The following CDH5 variants were observed in gnomAD, a reference collection of about 807,000 sequenced individuals.
CDH5 encodes cadherin 5.
Under a neutral mutation model 62.0 loss-of-function variants are expected in CDH5, and 28 were observed. That is an observed-to-expected ratio of 0.45 (90% CI 0.33 to 0.62). The LOEUF (loss-of-function observed/expected upper bound fraction) is 0.62, where lower values mean the gene tolerates loss of function less well. CDH5 is among the 20% of genes least tolerant of loss of function. The pLI, the probability that CDH5 is intolerant of heterozygous loss-of-function variation, is 0.02. For missense variants in CDH5, 940 were observed against 1,065.1 expected (o/e 0.88, Z 1.63); for synonymous variants, 464 against 445.8 (o/e 1.04, Z -0.52).
intron 7 of CDH5, chr16:66,395,621 T>G (rs1309439935): frequency 6.5e-6 from 1 of 152,696 alleles, no homozygotes; most frequent in Non-Finnish European, 1.5e-5. Flanking sequence ...TTTCCATAGA[T>G]TTTTCCTGAT....
intron 7 of CDH5, chr16:66,392,703 C>A (rs902556613): frequency 3.2e-5 from 10 of 308,114 alleles, no homozygotes; most frequent in African/African-American, 1.9e-4. Context: ...AGCAACCAAT[C>A]AGACGACACA....
chr16:66,368,421 G>T (rs547129769), intron 1 of CDH5, among the ~76,000 whole-genome samples: 1 of 152,206 alleles, frequency 6.6e-6, no homozygotes, highest in Non-Finnish European at 1.5e-5. Flanking sequence ...TAAGCTGCCC[G>T]CCTGCAGCCT....
At chr16:66,400,160 C>G (rs991487508) in intron 10 of CDH5, among the ~76,000 whole-genome samples, 1 of 152,168 alleles carries the variant, frequency 6.6e-6, no homozygotes, top group Non-Finnish European at 1.5e-5. Context: ...TACAGGAAAC[C>G]ACTGATTGGA....
intron 4 of CDH5, among the ~76,000 whole-genome samples, chr16:66,389,149 G>T (rs912359629): frequency 1.3e-5 from 2 of 152,164 alleles, no homozygotes; most frequent in African/African-American, 4.8e-5. Context: ...CAGGTGGCGA[G>T]GACCAATACC....
chr16:66,385,051 G>A (rs1278478241), intron 2 of CDH5, among the ~76,000 whole-genome samples: 1 of 152,140 alleles, frequency 6.6e-6, no homozygotes, highest in African/African-American at 2.4e-5. Context: ...GAGCCACAAT[G>A]GGATCTGTAC....
At chr16:66,379,612 G>A (rs1960850520) in intron 2 of CDH5, 65 bp downstream of exon 2, 5 of 1,427,686 alleles carry the variant, frequency 3.5e-6, no homozygotes, top group South Asian at 1.2e-5. Context: ...AAGTGGTGGT[G>A]GTGATGGCGA....
At position 66,389,536 on chromosome 16, in the gene CDH5, C is replaced by G. The variant is rs780472148; in HGVS notation, c.781+14C>G. Reference sequence around the variant, plus strand: ...TCTTCACCCAGAGTGAGCCCCTCCTCTAGGGCCCTGGGAAGGGGGGCTGGG... The same window carrying G: ...TCTTCACCCAGAGTGAGCCCCTCCTGTAGGGCCCTGGGAAGGGGGGCTGGG... On this transcript the variant is annotated intron_variant, in intron 5 of 11. Coordinates refer to ENST00000341529, the MANE Select transcript of CDH5 (RefSeq NM_001795.5). 1.3e-5 allele frequency: 20 copies of G among 1,553,922 alleles called. No individual in the cohort carries two copies. Among genetic ancestry groups the G allele is most frequent in the Non-Finnish European group, 1.7e-5 (20 of 1,145,750 alleles).
chr16:66,373,385 C>A (rs1242744789), intron 1 of CDH5, among the ~76,000 whole-genome samples: 1 of 151,128 alleles, frequency 6.6e-6, no homozygotes, highest in African/African-American at 2.4e-5. Context: ...CCCTTCCCTG[C>A]AGCCCCCATT....
chr16:66,390,621 G>A (rs781138298), intron 6 of CDH5, 31 bp downstream of exon 6: 47 of 1,603,890 alleles, frequency 2.9e-5, no homozygotes, highest in Middle Eastern at 1.7e-4. Flanking sequence ...AATGTCAAAC[G>A]TGAGGCTTGG....
Position 66,392,241 on chromosome 16 carries a change from G to T in CDH5, c.1075G>T (p.Val359Phe), listed in dbSNP as rs146820626. The T allele has an allele frequency of 6.2e-7, 1 of 1,614,030 alleles. No homozygotes were observed. The highest frequency in any genetic ancestry group is 2.2e-5 in the East Asian group (1 of 44,876). The change falls in exon 7 of 12, where the codon GTC becomes TTC. Residue 359 changes from valine (V) to phenylalanine (F), a missense_variant. Physicochemically the swap from Val to Phe is conservative, Grantham distance 50. Coordinates refer to ENST00000341529, the MANE Select transcript of CDH5 (RefSeq NM_001795.5). The stretch of plus-strand genomic sequence containing the variant: ...CCCTCCCGCGGGAAACAGAGCCCAG[G>T]TCATTATCAACATCACAGATGTGGA... The part of the protein sequence containing the change: ...MSPPAGNRAQ[V>F]IINITDVDEP...
chr16:66,382,389 C>A (rs1280523936), intron 2 of CDH5, among the ~76,000 whole-genome samples: 2 of 152,132 alleles, frequency 1.3e-5, no homozygotes, highest in African/African-American at 2.4e-5. Context: ...ACTAGGAGAC[C>A]AGGACAGAGC....
Position 66,396,203 on chromosome 16 carries a change from T to C in CDH5, c.1360+2T>C, listed in dbSNP as rs1377802425. 6.2e-7 allele frequency: 1 copy of C among 1,614,014 alleles called. No homozygotes were observed. Among genetic ancestry groups the C allele is most frequent in the Non-Finnish European group, 8.5e-7 (1 of 1,179,936 alleles). ...AGGCCAAAGAACTGGATTCCACTGG[T>C]GAGTGGCCACATCTGCCAGGGCACC... is the stretch of plus-strand genomic sequence containing the variant. On this transcript the variant is annotated splice_donor_variant, in intron 8 of 11. Coordinates refer to ENST00000341529, the MANE Select transcript of CDH5 (RefSeq NM_001795.5). LOFTEE classifies it high-confidence loss of function.
rs548293619 is a variant in CDH5 at position 66,371,231 on chromosome 16, T to C, written c.-20+4473T>C. Among the ~76,000 whole-genome samples, 13 of 152,250 alleles carry C rather than the reference T, an allele frequency of 8.5e-5. No individual in the cohort carries two copies. The South Asian group carries it at 2.7e-3, about 32-fold the overall frequency. ...AGTCCCCACAGAGTTTGGGGGTCAC[T>C]GGGTCCCAGCCCCAACCTGGACTGA... On this transcript the variant is annotated intron_variant, in intron 1 of 11. Coordinates refer to ENST00000341529, the MANE Select transcript of CDH5 (RefSeq NM_001795.5).
At chr16:66,397,588 CAGTCTTTTCCGGTAGCCT>C (rs1264152713) in intron 8 of CDH5, among the ~76,000 whole-genome samples, 1 of 152,128 alleles carries the variant, frequency 6.6e-6, no homozygotes, top group Non-Finnish European at 1.5e-5. Context: ...CCATCCATTT[CAGTCTTTTCCGGTAGCCT>C]AGTTTACTGA....
intron 2 of CDH5, among the ~76,000 whole-genome samples, chr16:66,384,425 TG>T (rs1960949028): frequency 6.6e-6 from 1 of 151,510 alleles, no homozygotes; most frequent in African/African-American, 2.4e-5. Context: ...CCTCACCAGA[TG>T]CCTTCACACA....
At chr16:66,384,078 C>A (rs1255304896) in intron 2 of CDH5, among the ~76,000 whole-genome samples, 2 of 71,356 alleles carry the variant, frequency 2.8e-5, no homozygotes, top group African/African-American at 1.2e-4. Flanking sequence ...GGAGTCCAGC[C>A]TTTTTTTTTT....
chr16:66,401,138 A>G, intron 11 of CDH5, 122 bp downstream of exon 11: 1 of 1,279,442 alleles, frequency 7.8e-7, no homozygotes, highest in South Asian at 1.3e-5. Context: ...CCTGCCTCCA[A>G]TCTGCAATGC....
At chr16:66,402,365 G>C (rs1445048969) in intron 11 of CDH5, among the ~76,000 whole-genome samples, 2 of 148,198 alleles carry the variant, frequency 1.3e-5, no homozygotes, top group Non-Finnish European at 3.0e-5. Context: ...GAACGGCAGC[G>C]GTGGGAGTGT....
In CDH5 at chr16:66,379,276, A is replaced by G. The variant is rs887770256; in HGVS notation, c.-19-43A>G. 1.0e-5 allele frequency: 15 copies of G among 1,440,116 alleles called. No homozygotes were observed. The Admixed American group carries it at 1.2e-4, about 11-fold the overall frequency. 89.2% of individuals were successfully genotyped at this position (1,440,116 alleles called of 1,614,324 possible). A position where few individuals can be genotyped will look rare whatever the true frequency, so the allele number is the denominator to read the frequency against. On this transcript the variant is annotated intron_variant, in intron 1 of 11. Coordinates refer to ENST00000341529, the MANE Select transcript of CDH5 (RefSeq NM_001795.5). The stretch of plus-strand genomic sequence containing the variant: ...ATACCTGTGTCTAAGTACTCCTTTC[A>G]TCGTCACTGGCCAGAGTCTGAATGT...
Sources: gnomAD v4.1 joint callset for allele counts (sites outside exome capture counted in the v4.1 genomes callset) on GRCh38, gnomAD v4.1.1 for gene constraint, MANE v1.5 for transcripts, NCBI Gene and HGNC (gene_info 2026-07-23, HGNC 2026-07-21) for gene names.